The following AGBL4 variants were observed in gnomAD, a reference collection of about 807,000 sequenced individuals.
AGBL4 encodes the protein AGBL carboxypeptidase 4.
AGBL4 carries 58 observed loss-of-function variants against 66.4 expected under a neutral mutation model. The observed-to-expected ratio is 0.87, with a 90% confidence interval of 0.71 to 1.09. AGBL4 has a LOEUF of 1.09. Among genes scored for constraint, AGBL4 ranks in the 50% least tolerant of loss-of-function variants. AGBL4 has a pLI of 0.00. For synonymous variants in AGBL4, 234 were observed against 222.9 expected (o/e 1.05, Z -0.44); for missense variants, 579 against 631.0 (o/e 0.92, Z 0.88).
At chr1:49,433,077 C>T (rs1242428588) in intron 3 of AGBL4, among the ~76,000 whole-genome samples, 4 of 152,236 alleles carry the variant, frequency 2.6e-5, no homozygotes, top group East Asian at 1.9e-4. Flanking sequence ...CACCTGGAGA[C>T]GTCATGGAAG....
At chr1:48,758,868 T>G (rs1464921221) in intron 6 of AGBL4, 1 of 1,468,400 alleles carries the variant, frequency 6.8e-7, no homozygotes, top group African/African-American at 1.4e-5. Flanking sequence ...TTCACCCAAG[T>G]GGAGTGGTAG....
chr1:49,762,331 T>C (rs1238263762), intron 2 of AGBL4, among the ~76,000 whole-genome samples: 1 of 152,200 alleles, frequency 6.6e-6, no homozygotes, highest in South Asian at 2.1e-4. Context: ...TTAGTGATGC[T>C]GAATATTTTT....
At chr1:49,365,789 G>A (rs574705739) in intron 3 of AGBL4, among the ~76,000 whole-genome samples, 1 of 152,172 alleles carries the variant, frequency 6.6e-6, no homozygotes, top group Non-Finnish European at 1.5e-5. Context: ...CAGAGAGGGT[G>A]CAAGAAAGAA....
intron 3 of AGBL4, among the ~76,000 whole-genome samples, chr1:49,409,945 G>A (rs542190079): frequency 1.7e-4 from 26 of 152,260 alleles, no homozygotes; most frequent in African/African-American, 5.3e-4. Context: ...TGGACAGGAA[G>A]AAGACATACA....
At chr1:49,410,375 C>T (rs1645292224) in intron 3 of AGBL4, among the ~76,000 whole-genome samples, 2 of 152,126 alleles carry the variant, frequency 1.3e-5, no homozygotes, top group Non-Finnish European at 2.9e-5. Flanking sequence ...CTGCTTAGCC[C>T]GGCATAGTTT....
chr1:48,675,514 A>AT (rs1348293918), intron 6 of AGBL4, among the ~76,000 whole-genome samples: 3 of 152,246 alleles, frequency 2.0e-5, no homozygotes, highest in Admixed American at 1.3e-4. Flanking sequence ...AAGATATGAA[A>AT]TCTGCATGGG....
intron 5 of AGBL4, among the ~76,000 whole-genome samples, chr1:48,903,742 G>T (rs1652312656): frequency 6.6e-6 from 1 of 152,178 alleles, no homozygotes; most frequent in Admixed American, 6.5e-5. Flanking sequence ...GTGAGATATA[G>T]TCACTGGCCT....
chr1:49,739,913 G>C lies in AGBL4; in HGVS notation c.158-42476C>G, dbSNP rs572306140. ...AGCTCCTGAAGGAAGCACTAAACAT[G>C]GAAAGGAACAACCAGTACCGGCCAC... is the stretch of plus-strand genomic sequence containing the variant. On this transcript the variant is annotated intron_variant, in intron 2 of 13. Transcript: ENST00000371839. Among the ~76,000 whole-genome samples, 90 of 152,194 alleles carry C rather than the reference G, an allele frequency of 5.9e-4. 1 individual carries two copies. The highest frequency in any genetic ancestry group is 2.0e-3 in the African/African-American group (81 of 41,524).
Position 49,830,080 on chromosome 1 carries a change from T to A in AGBL4, c.157+21316A>T, listed in dbSNP as rs559663221. Among the ~76,000 whole-genome samples, 8 of 152,304 alleles carry A rather than the reference T, an allele frequency of 5.3e-5. No individual in the cohort carries two copies. In the East Asian group the frequency reaches 1.5e-3, roughly 29 times the overall value. On this transcript the variant is annotated intron_variant, in intron 2 of 13. Coordinates refer to ENST00000371839, the MANE Select transcript of AGBL4 (RefSeq NM_032785.4). ...TGAACAGTGCTGCAATAAACATACA[T>A]GTGCATGTGTCTTTACAGCAGAATG... is the stretch of plus-strand genomic sequence containing the variant.
At chr1:49,844,855 G>A (rs1235668352) in intron 2 of AGBL4, 1 of 1,504,684 alleles carries the variant, frequency 6.6e-7, no homozygotes, top group African/African-American at 1.4e-5. Context: ...TGAGAGCCTA[G>A]AGAGCCTGGC....
At chr1:48,630,633 T>C (rs767370159) in intron 9 of AGBL4, among the ~76,000 whole-genome samples, 9 of 152,228 alleles carry the variant, frequency 5.9e-5, no homozygotes, top group Non-Finnish European at 1.2e-4. Flanking sequence ...CTGTCTCTAG[T>C]TCGGCACCGT....
chr1:49,888,950 A>T (rs1648353541), intron 1 of AGBL4, among the ~76,000 whole-genome samples: 1 of 152,368 alleles, frequency 6.6e-6, no homozygotes, highest in Non-Finnish European at 1.5e-5. Context: ...AATAAAGTAT[A>T]TGGCTTCTGC....
intron 3 of AGBL4, among the ~76,000 whole-genome samples, chr1:49,246,359 G>T (rs1407021971): frequency 6.6e-6 from 1 of 151,770 alleles, no homozygotes; most frequent in Non-Finnish European, 1.5e-5. Context: ...TACATTTAAA[G>T]TTCAAAAACA....
At chr1:49,545,537 T>A (rs1453030368) in intron 3 of AGBL4, among the ~76,000 whole-genome samples, 1 of 152,172 alleles carries the variant, frequency 6.6e-6, no homozygotes, top group Non-Finnish European at 1.5e-5. Context: ...GGGGTAAAAT[T>A]GTTATACAAA....
At chr1:48,839,649 G>A (rs1231942079) in intron 6 of AGBL4, among the ~76,000 whole-genome samples, 1 of 152,140 alleles carries the variant, frequency 6.6e-6, no homozygotes, top group African/African-American at 2.4e-5. Flanking sequence ...TGATGAATTA[G>A]GAGGTTGGTT....
chr1:49,989,445 A>C (rs989551514), intron 1 of AGBL4, among the ~76,000 whole-genome samples: 10 of 152,192 alleles, frequency 6.6e-5, no homozygotes, highest in Admixed American at 3.3e-4. Flanking sequence ...TCACAGCTTA[A>C]CATAGGCCTG....
chr1:49,247,056 G>C (rs1306955226), intron 3 of AGBL4, among the ~76,000 whole-genome samples: 1 of 151,974 alleles, frequency 6.6e-6, no homozygotes, highest in Non-Finnish European at 1.5e-5. Context: ...TACCTAACTT[G>C]ATTGAAGTCA....
chr1:49,037,024 A>T (rs1263160017), intron 5 of AGBL4, among the ~76,000 whole-genome samples: 2 of 151,994 alleles, frequency 1.3e-5, no homozygotes, highest in East Asian at 3.9e-4. Flanking sequence ...AGTTTCTCGA[A>T]CGTTAAAAGA....
intron 3 of AGBL4, among the ~76,000 whole-genome samples, chr1:49,273,291 C>T (rs1221857175): frequency 6.6e-6 from 1 of 151,872 alleles, no homozygotes; most frequent in African/African-American, 2.4e-5. Flanking sequence ...TGAGAGTTAA[C>T]ATCATAAGTA....
Sources: allele counts gnomAD v4.1 joint callset (sites outside exome capture counted in the v4.1 genomes callset), GRCh38; gene constraint gnomAD v4.1.1; transcripts MANE v1.5; gene names NCBI Gene and HGNC (gene_info 2026-07-23, HGNC 2026-07-21).